The following DSEL variants were observed in gnomAD, a reference collection of about 807,000 sequenced individuals.
DSEL encodes the protein dermatan sulfate epimerase like.
In DSEL, 61 loss-of-function variants were observed where a neutral mutation model predicts 96.6. That is an observed-to-expected ratio of 0.63 (90% CI 0.51 to 0.78). The LOEUF (loss-of-function observed/expected upper bound fraction) is 0.78. Among genes scored for constraint, DSEL ranks in the 30% least tolerant of loss-of-function variants. DSEL has a pLI of 0.00. For synonymous variants in DSEL, 514 were observed against 502.0 expected (o/e 1.02, Z -0.32); for missense variants, 1,320 against 1,430.8 (o/e 0.92, Z 1.25).
rs761316911 is a variant in DSEL at position 67,507,290 on chromosome 18, TG to T, written c.*3679del. 5 of 128,578 alleles carry T rather than the reference TG, an allele frequency of 3.9e-5. No individual in the cohort carries two copies. The highest frequency in any genetic ancestry group is 7.6e-5 in the Non-Finnish European group (5 of 65,382). The allele number at this position is 128,578 out of a possible 1,614,324, so 8.0% of individuals were successfully genotyped here. On this transcript the variant is annotated 3_prime_UTR_variant, in exon 2 of 2. Coordinates refer to ENST00000310045, the MANE Select transcript of DSEL (RefSeq NM_032160.3). ...TGAACCCGGTAGGCGGAGGTTGCAG[TG>T]AGCCGAGATCAGACCACTGCACTCC...
rs374792922 is a variant in DSEL at position 67,514,370 on chromosome 18, C to T, written c.239G>A (p.Arg80His). 27 of 1,614,044 alleles carry T rather than the reference C, an allele frequency of 1.7e-5. No individual in the cohort carries two copies. The highest frequency in any genetic ancestry group is 3.3e-4 in the Middle Eastern group (2 of 6,084). Reference sequence around the variant, plus strand: ...TCTAAAAAGATGCAAATGGCTTGCACGAGACTTTTGTCTCATTGCTTGGAT... The same window carrying T: ...TCTAAAAAGATGCAAATGGCTTGCATGAGACTTTTGTCTCATTGCTTGGAT... ...GEIQAMRQKS[R>H]ASHLHLFRAI... Residue 80 changes from arginine to histidine, a missense_variant, in exon 2 of 2, where the codon CGT (arginine) becomes CAT (histidine). Physicochemically the swap from Arg to His is conservative, Grantham distance 29. Coordinates refer to ENST00000310045, the MANE Select transcript of DSEL (RefSeq NM_032160.3).
rs2089440540 is a variant in DSEL, at chr18:67,511,312, C to T, written c.3297G>A (p.Leu1099=). The part of the protein sequence containing the change: ...SKSKSNAVSL[L]SHLWLANTAA... ...CTGTATTTGCTAGCCACAAGTGAGACAAGAGGGACACTGCATTTGATTTGG... is the reference window on the plus strand; with the variant it reads ...CTGTATTTGCTAGCCACAAGTGAGATAAGAGGGACACTGCATTTGATTTGG... The change falls in exon 2 of 2, where the codon TTG becomes TTA. Residue 1099 remains leucine (L), a synonymous_variant. Transcript: ENST00000310045. 2.5e-6 allele frequency: 4 copies of T among 1,607,880 alleles called. No homozygotes were observed. Among genetic ancestry groups the T allele is most frequent in the Non-Finnish European group, 3.4e-6 (4 of 1,179,984 alleles).
rs908809867 is a variant in DSEL at position 67,508,708 on chromosome 18, C to T, written c.*2262G>A. On this transcript the variant is annotated 3_prime_UTR_variant, in exon 2 of 2. Coordinates refer to ENST00000310045, the MANE Select transcript of DSEL (RefSeq NM_032160.3). ...ACATACTCCATCTGGCCTTCTCCTG[C>T]CAACAGGTACATTTCTTTTTTTCTT... The T allele has an allele frequency of 6.6e-6, 1 of 151,618 alleles. No individual in the cohort carries two copies. The highest frequency in any genetic ancestry group is 1.5e-5 in the Non-Finnish European group (1 of 68,130). 9.4% of individuals were successfully genotyped at this position (151,618 alleles called of 1,614,324 possible).
Position 67,512,089 on chromosome 18 carries a change from C to T in DSEL, c.2520G>A (p.Lys840=), listed in dbSNP as rs1204306501. ...GGTGCCCTTCAGAAGACAAAGACTT[C>T]TTGCTTCCCTCAGCCTCTGTCCTTG... The part of the protein sequence containing the change: ...KWTRTEAEGS[K]KSLSSEGHHM... Residue 840 remains lysine (K), a synonymous_variant, in exon 2 of 2, where the codon AAG becomes AAA. Coordinates refer to ENST00000310045, the MANE Select transcript of DSEL (RefSeq NM_032160.3). 3 of 1,614,178 alleles carry T rather than the reference C, an allele frequency of 1.9e-6. No homozygotes were observed. The highest frequency in any genetic ancestry group is 1.3e-5 in the African/African-American group (1 of 75,040).
Position 67,508,636 on chromosome 18 carries a change from CTCATTTTCTTTT to C in DSEL, c.*2322_*2333del, listed in dbSNP as rs1312824140. ...GTTCCCATATTCATTCTCAGTGTAACTCATTTTCTTTTTCATTTTCTGTAACTCTTCTTTCCC... is the reference window on the plus strand; with the variant it reads ...GTTCCCATATTCATTCTCAGTGTAACTCATTTTCTGTAACTCTTCTTTCCC... On this transcript the variant is annotated 3_prime_UTR_variant, in exon 2 of 2. Transcript: ENST00000310045. 2.0e-5 allele frequency: 3 copies of C among 151,826 alleles called. No homozygotes were observed. The highest frequency in any genetic ancestry group is 7.3e-5 in the African/African-American group (3 of 41,352). The allele number at this position is 151,826 out of a possible 1,614,324, so 9.4% of individuals were successfully genotyped here. A position where few individuals can be genotyped will look rare whatever the true frequency, so the allele number is the denominator to read the frequency against.
chr18:67,511,190 C>T lies in DSEL; in HGVS notation c.3419G>A (p.Arg1140Lys), dbSNP rs557149581. 6.2e-7 allele frequency: 1 copy of T among 1,613,974 alleles called. No homozygotes were observed. Among genetic ancestry groups the T allele is most frequent in the South Asian group, 1.1e-5 (1 of 91,056 alleles). The stretch of plus-strand genomic sequence containing the variant: ...AGGAATTCCAAGAAAGGCAAAAATC[C>T]TTTCAGTAGTTTTCTGAGGAAAATG... ...IVHFPQKTTE[R>K]IFAFLGIPLS... The change falls in exon 2 of 2, where the codon AGG (arginine) becomes AAG (lysine). Residue 1140 changes from arginine (R) to lysine (K), a missense_variant. Around this residue, in one of 3 missense-constraint regions of DSEL, gnomAD observed 986 missense variants for 1,066.4 expected, o/e 0.92. Coordinates refer to ENST00000310045, the MANE Select transcript of DSEL (RefSeq NM_032160.3).
rs987127457 is a variant in DSEL, at chr18:67,512,932, A to T, written c.1677T>A (p.Ala559=). 1 of 1,614,218 alleles carries T rather than the reference A, an allele frequency of 6.2e-7. No individual in the cohort carries two copies. The highest frequency in any genetic ancestry group is 8.5e-7 in the Non-Finnish European group (1 of 1,180,036). ...TTTTCAGTCTCATTGCTGAAGAATA[A>T]GCAGACACGGCTTCCCCACTCACAA... ...MVFVSGEAVS[A]YSSAMRLKSV... The change falls in exon 2 of 2, where the codon GCT becomes GCA. Residue 559 remains alanine, a synonymous_variant. Coordinates refer to ENST00000310045, the MANE Select transcript of DSEL (RefSeq NM_032160.3).
In DSEL at chr18:67,513,111, C is replaced by T. The variant is rs1376211802; in HGVS notation, c.1498G>A (p.Val500Ile). Residue 500 changes from valine to isoleucine, a missense_variant, in exon 2 of 2, where the codon GTA (valine) becomes ATA (isoleucine). By Grantham distance (29) the Val-to-Ile change is conservative. Around this residue, in one of 3 missense-constraint regions of DSEL, gnomAD observed 986 missense variants for 1,066.4 expected, o/e 0.92. Coordinates refer to ENST00000310045, the MANE Select transcript of DSEL (RefSeq NM_032160.3). ...YGPKLSHLNN[V>I]LVFAPSPSSQ... ...GAGGGTGATGGAGCAAACACCAATA[C>T]ATTGTTAAGGTGGCTCAACTTGGGT... 2 of 1,614,026 alleles carry T rather than the reference C, an allele frequency of 1.2e-6. No individual in the cohort carries two copies. The highest frequency in any genetic ancestry group is 1.3e-5 in the African/African-American group (1 of 74,880).
rs746502786 is a variant in DSEL, at chr18:67,513,617, T to A, written c.992A>T (p.Asp331Val). Residue 331 changes from aspartate (D) to valine (V), a missense_variant, in exon 2 of 2, where the codon GAT becomes GTT. Asp to Val is a radical substitution (Grantham distance 152). This residue lies in a region of DSEL where 986 missense variants were observed against 1,066.4 expected (regional missense o/e 0.92). Coordinates refer to ENST00000310045, the MANE Select transcript of DSEL (RefSeq NM_032160.3). ...PGFQRTVGIA[D>V]SNYNWFYGPE... ...ACCATAAAACCAATTATAATTGGAA[T>A]CTGCTATACCCACAGTTCTTTGGAA... The A allele has an allele frequency of 6.2e-7, 1 of 1,614,216 alleles. No homozygotes were observed. Among genetic ancestry groups the A allele is most frequent in the South Asian group, 1.1e-5 (1 of 91,084 alleles).
chr18:67,512,633 T>C lies in DSEL; in HGVS notation c.1976A>G (p.Lys659Arg). 1 of 1,614,100 alleles carries C rather than the reference T, an allele frequency of 6.2e-7. No homozygotes were observed. Among genetic ancestry groups the C allele is most frequent in the South Asian group, 1.1e-5 (1 of 91,072 alleles). ...AACATTAACAAATTGAGTCCATCGT[T>C]TTTTAAATTCAGCAGCTTGCTCTGC... Reference protein sequence around the residue: ...QEAEQAAEFKKRWTQFVNVTF... With the variant: ...QEAEQAAEFKRRWTQFVNVTF... Residue 659 changes from lysine to arginine, a missense_variant, in exon 2 of 2, where the codon AAA (lysine) becomes AGA (arginine). By Grantham distance (26) the Lys-to-Arg change is conservative (BLOSUM62 2). Transcript: ENST00000310045.
chr18:67,514,445 T>G lies in DSEL; in HGVS notation c.164A>C (p.Lys55Thr). ...QKVQDFRPNQ[K>T]LKKSMLHPSL... ...TGGATGAAGCATACTTTTCTTCAGC[T>G]TTTGGTTGGGTCTGAAATCTTGCAC... Residue 55 changes from lysine to threonine, a missense_variant, in exon 2 of 2, where the codon AAG becomes ACG. Coordinates refer to ENST00000310045, the MANE Select transcript of DSEL (RefSeq NM_032160.3). The G allele has an allele frequency of 3.7e-6, 6 of 1,614,144 alleles. No homozygotes were observed. The highest frequency in any genetic ancestry group is 4.2e-6 in the Non-Finnish European group (5 of 1,180,028).
rs766143674 is a variant in DSEL, at chr18:67,513,018, C to T, written c.1591G>A (p.Glu531Lys). 8 of 1,614,074 alleles carry T rather than the reference C, an allele frequency of 5.0e-6. No individual in the cohort carries two copies. The highest frequency in any genetic ancestry group is 5.9e-6 in the Non-Finnish European group (7 of 1,180,052). ...TCCCCAGCTGCATCACCAACCTCCT[C>T]GCCAGTCCACTTAAGCCACTGCGCA... ...ECAQWLKWTG[E>K]EVGDAAGEII... Residue 531 changes from glutamate to lysine, a missense_variant, in exon 2 of 2, where the codon GAG (glutamate) becomes AAG (lysine). Physicochemically the swap from Glu to Lys is moderately conservative, Grantham distance 56. This residue lies in a region of DSEL where 986 missense variants were observed against 1,066.4 expected (regional missense o/e 0.92). Transcript: ENST00000310045.
At position 67,513,423 on chromosome 18, in the gene DSEL, G is replaced by C. The variant is rs749013137; in HGVS notation, c.1186C>G (p.Leu396Val). 2.5e-6 allele frequency: 4 copies of C among 1,614,054 alleles called. No homozygotes were observed. The East Asian group carries it at 6.7e-5, about 27-fold the overall frequency. Residue 396 changes from leucine (L) to valine (V), a missense_variant, in exon 2 of 2, where the codon CTC becomes GTC. Leu to Val is a conservative substitution (Grantham distance 32). Coordinates refer to ENST00000310045, the MANE Select transcript of DSEL (RefSeq NM_032160.3). Reference sequence around the variant, plus strand: ...TAATCAGCAGGTGGCTGTGGTGTGAGCTGGGGATCATACCAGATGTATTCA... The same window carrying C: ...TAATCAGCAGGTGGCTGTGGTGTGACCTGGGGATCATACCAGATGTATTCA... ...HTEYIWYDPQ[L>V]TPQPPADYGT...
rs1399546717 is a variant in DSEL, at chr18:67,516,634, G to A, written c.-1158C>T. 2 of 152,110 alleles carry A rather than the reference G, an allele frequency of 1.3e-5. No homozygotes were observed. Among genetic ancestry groups the A allele is most frequent in the Non-Finnish European group, 2.9e-5 (2 of 68,024 alleles). 9.4% of individuals were successfully genotyped at this position (152,110 alleles called of 1,614,324 possible). On this transcript the variant is annotated 5_prime_UTR_variant, in exon 1 of 2. Coordinates refer to ENST00000310045, the MANE Select transcript of DSEL (RefSeq NM_032160.3). This position sits in a 1 kb window ranked among gnomAD's most constrained non-coding sequence, Gnocchi z 5.6. The stretch of plus-strand genomic sequence containing the variant: ...CACGGACCGCAGGACAGAGACCCGC[G>A]GGCGGCGGGTTCTCTCGGTGGCGCC...
In DSEL at chr18:67,514,494, T is replaced by C; in HGVS notation, c.115A>G (p.Ile39Val). The change falls in exon 2 of 2, where the codon ATA becomes GTA. Residue 39 changes from isoleucine to valine, a missense_variant. By Grantham distance (29) the Ile-to-Val change is conservative. Transcript: ENST00000310045. ...YSEWAVFTDDIDQFKTQKVQD... is the reference protein window; with the variant it reads ...YSEWAVFTDDVDQFKTQKVQD... The stretch of plus-strand genomic sequence containing the variant: ...ACTTTCTGTGTTTTAAACTGATCTA[T>C]ATCATCTGTGAAAACTGCCCATTCG... 1 of 1,614,192 alleles carries C rather than the reference T, an allele frequency of 6.2e-7. No homozygotes were observed. The highest frequency in any genetic ancestry group is 1.3e-5 in the African/African-American group (1 of 75,060).
In DSEL at chr18:67,515,125, AG is replaced by A. The variant is rs2089468415; in HGVS notation, c.-518del. Reference sequence around the variant, plus strand: ...ATGAAGTACTGACATTCTTCGAGTGAGTGGACTCAGTTGTCATTCCTCTCAA... The same window carrying A: ...ATGAAGTACTGACATTCTTCGAGTGATGGACTCAGTTGTCATTCCTCTCAA... On this transcript the variant is annotated 5_prime_UTR_variant, in exon 2 of 2. It introduces an in-frame stop codon into an upstream open reading frame of the 5' UTR. Transcript: ENST00000310045. 5.9e-6 allele frequency: 1 copy of A among 168,524 alleles called. No homozygotes were observed. The highest frequency in any genetic ancestry group is 1.4e-5 in the Non-Finnish European group (1 of 69,236). 10.4% of individuals were successfully genotyped at this position (168,524 alleles called of 1,614,324 possible).
In DSEL at chr18:67,515,155, T is replaced by C. The variant is rs2291172; in HGVS notation, c.-547A>G. The stretch of plus-strand genomic sequence containing the variant: ...ACTCAGTTGTCATTCCTCTCAACTT[T>C]TTATACTTCTTGTCTTGTGAATACG... On this transcript the variant is annotated 5_prime_UTR_variant, in exon 2 of 2. Transcript: ENST00000310045. 15,441 of 167,642 alleles carry C rather than the reference T, an allele frequency of 0.092. 890 individuals are homozygous for C. Among genetic ancestry groups the C allele is most frequent in the South Asian group, 0.22 (1,065 of 4,826 alleles). The allele number at this position is 167,642 out of a possible 1,614,324, so 10.4% of individuals were successfully genotyped here. A position where few individuals can be genotyped will look rare whatever the true frequency, so the allele number is the denominator to read the frequency against.
Position 67,512,302 on chromosome 18 carries a change from T to C in DSEL, c.2307A>G (p.Gly769=), listed in dbSNP as rs1246218080. ...VRHDRIIFPF[G]FKFNIAVGLI... The stretch of plus-strand genomic sequence containing the variant: ...ATCCAACTGCTATATTAAATTTAAA[T>C]CCAAAGGGGAAAATAATCCTATCAT... Residue 769 remains glycine, a synonymous_variant, in exon 2 of 2, where the codon GGA becomes GGG. Transcript: ENST00000310045. 1.2e-6 allele frequency: 2 copies of C among 1,614,152 alleles called. No homozygotes were observed. The highest frequency in any genetic ancestry group is 1.7e-6 in the Non-Finnish European group (2 of 1,180,024).
Position 67,512,258 on chromosome 18 carries a change from A to G in DSEL, c.2351T>C (p.Leu784Ser). Residue 784 changes from leucine to serine, a missense_variant, in exon 2 of 2, where the codon TTG becomes TCG. By Grantham distance (145) the Leu-to-Ser change is moderately radical. This residue lies in a region of DSEL where 986 missense variants were observed against 1,066.4 expected (regional missense o/e 0.92). Transcript: ENST00000310045. The stretch of plus-strand genomic sequence containing the variant: ...ACGCCATTGGAAAGTTAAAATCACC[A>G]AGCTAATGCACAAAATTAATCCAAC... ...IAVGLILCIS[L>S]VILTFQWRFY... is the part of the protein sequence containing the mutation. The G allele has an allele frequency of 1.2e-6, 2 of 1,614,074 alleles. No individual in the cohort carries two copies. The highest frequency in any genetic ancestry group is 1.7e-6 in the Non-Finnish European group (2 of 1,180,000).
Sources: gnomAD v4.1 joint callset for allele counts on GRCh38, gnomAD v4.1.1 for gene constraint, gnomAD v4.1.1 regional missense constraint, Gnocchi (gnomAD v3.1) non-coding constraint, MANE v1.5 for transcripts, NCBI Gene and HGNC (gene_info 2026-07-23, HGNC 2026-07-21) for gene names.